PDE3B: variants seen among roughly 807,000 people sequenced by gnomAD.
The protein encoded by PDE3B is cGMP-inhibited 3',5'-cyclic phosphodiesterase 3B.
PDE3B carries 66 observed loss-of-function variants against 116.8 expected under a neutral mutation model. The ratio of observed to expected loss-of-function variants is 0.56; its 90% CI spans 0.46 to 0.69. The LOEUF is 0.69. Ranked by LOEUF, PDE3B falls within the 30% of genes least tolerant of loss-of-function variation. The probability of loss-of-function intolerance (pLI) is 0.00; values close to 1 mark genes in which losing one functional copy is unlikely to be tolerated. For missense variants in PDE3B, 1,384 were observed against 1,368.1 expected (o/e 1.01, Z -0.18); for synonymous variants, 595 against 533.6 (o/e 1.12, Z -1.59).
At chr11:14,858,969 C>T in intron 12 of PDE3B, 74 bp from the exon 13 acceptor site, 1 of 1,064,090 alleles carries the variant, frequency 9.4e-7, no homozygotes, top group South Asian at 1.4e-5. Context: ...TTGTATACTT[C>T]CAACCTGATA....
chr11:14,715,842 C>A (rs1590084056), intron 1 of PDE3B, among the ~76,000 whole-genome samples: 1 of 152,138 alleles, frequency 6.6e-6, no homozygotes, highest in Admixed American at 6.6e-5. Flanking sequence ...TTAACAGTAG[C>A]AAAGACTTGG....
chr11:14,847,138 G>T (rs576814054), intron 12 of PDE3B, among the ~76,000 whole-genome samples: 1 of 152,110 alleles, frequency 6.6e-6, no homozygotes, highest in Non-Finnish European at 1.5e-5. Context: ...ATGGCAAACT[G>T]TCTCTCAGAC....
In PDE3B at chr11:14,644,465, C is replaced by T. The variant is rs541236672; in HGVS notation, c.390C>T (p.Phe130=). The T allele has an allele frequency of 8.1e-6, 13 of 1,613,092 alleles. No individual in the cohort carries two copies. In the African/African-American group the frequency reaches 1.5e-4, roughly 18 times the overall value. Residue 130 remains phenylalanine (F), a synonymous_variant, in exon 1 of 16, where the codon TTC becomes TTT. Transcript: ENST00000282096. The part of the protein sequence containing the change: ...SPLFSIACAF[F]FLTCFLTRTK... Reference sequence around the variant, plus strand: ...TCTTCAGCATCGCCTGTGCCTTCTTCTTCCTCACCTGCTTCCTCACCCGGA... The same window carrying T: ...TCTTCAGCATCGCCTGTGCCTTCTTTTTCCTCACCTGCTTCCTCACCCGGA...
chr11:14,665,096 T>A (rs530611330), intron 1 of PDE3B, among the ~76,000 whole-genome samples: 24 of 152,358 alleles, frequency 1.6e-4, no homozygotes, highest in Non-Finnish European at 3.2e-4. Context: ...ATCCCTGGGA[T>A]GCAAGGCTGG....
chr11:14,884,881 A>G, the PDE3B span, among the ~76,000 whole-genome samples: 1 of 151,950 alleles, frequency 6.6e-6, no homozygotes, highest in Non-Finnish European at 1.5e-5. Flanking sequence ...TTAAAGGTCT[A>G]TTATAATTGT....
At chr11:14,688,860 C>T (rs1854966741) in intron 1 of PDE3B, among the ~76,000 whole-genome samples, 1 of 152,168 alleles carries the variant, frequency 6.6e-6, no homozygotes, top group African/African-American at 2.4e-5. Context: ...GCAACCTCTG[C>T]CTCCTGGGTT....
chr11:14,729,983 T>G (rs2133852864), intron 1 of PDE3B, among the ~76,000 whole-genome samples: 1 of 152,072 alleles, frequency 6.6e-6, no homozygotes, highest in South Asian at 2.1e-4. Context: ...CTAGGCTCAA[T>G]AAAAGGATCA....
intron 4 of PDE3B, among the ~76,000 whole-genome samples, chr11:14,802,510 T>G (rs1858806108): frequency 1.3e-5 from 2 of 152,184 alleles, no homozygotes; most frequent in African/African-American, 4.8e-5. Context: ...TGAGACGAAC[T>G]GGGTACCTCA....
At chr11:14,748,879 C>T (rs919489369) in intron 1 of PDE3B, among the ~76,000 whole-genome samples, 4 of 150,690 alleles carry the variant, frequency 2.7e-5, no homozygotes, top group African/African-American at 7.3e-5. Context: ...TATAGCCTTT[C>T]TCTTTTCTTT....
intron 4 of PDE3B, among the ~76,000 whole-genome samples, chr11:14,801,719 T>C (rs1345008412): frequency 6.6e-6 from 1 of 152,154 alleles, no homozygotes; most frequent in Non-Finnish European, 1.5e-5. Flanking sequence ...TTAAGTCTGC[T>C]GAAGCTGCAC....
intron 7 of PDE3B, among the ~76,000 whole-genome samples, chr11:14,821,429 CA>C (rs1261715004): frequency 6.6e-6 from 1 of 152,166 alleles, no homozygotes; most frequent in Non-Finnish European, 1.5e-5. Flanking sequence ...GTGTTGTAGA[CA>C]TCTTTAGAAA....
At chr11:14,663,794 G>C (rs1854022206) in intron 1 of PDE3B, among the ~76,000 whole-genome samples, 2 of 152,126 alleles carry the variant, frequency 1.3e-5, no homozygotes, top group South Asian at 4.1e-4. Flanking sequence ...CCTACAAAGA[G>C]ACTTAGACTC....
intron 1 of PDE3B, among the ~76,000 whole-genome samples, chr11:14,725,658 C>T (rs1856283781): frequency 7.3e-6 from 1 of 137,268 alleles, no homozygotes; most frequent in East Asian, 2.3e-4. Flanking sequence ...CTTTCTTATA[C>T]TCCATATTCA....
At chr11:14,793,111 T>G (rs1858443607) in intron 4 of PDE3B, among the ~76,000 whole-genome samples, 1 of 152,188 alleles carries the variant, frequency 6.6e-6, no homozygotes. Context: ...GCCTTCTGCT[T>G]AAGTTTCAGA....
At chr11:14,725,791 C>A (rs985275429) in intron 1 of PDE3B, among the ~76,000 whole-genome samples, 1 of 151,474 alleles carries the variant, frequency 6.6e-6, no homozygotes, top group South Asian at 2.1e-4. Flanking sequence ...ATTGGAGTAA[C>A]CTCTGTTCTG....
chr11:14,876,886 G>A (rs1405194871), downstream of PDE3B, among the ~76,000 whole-genome samples: 6 of 152,132 alleles, frequency 3.9e-5, no homozygotes, highest in African/African-American at 1.4e-4. Context: ...TATTGCTTAA[G>A]TGAACTTGCA....
At chr11:14,704,611 G>A (rs531851711) in intron 1 of PDE3B, among the ~76,000 whole-genome samples, 1 of 151,660 alleles carries the variant, frequency 6.6e-6, no homozygotes, top group Non-Finnish European at 1.5e-5. Context: ...TACATATTCA[G>A]TTGGTTTTTG....
chr11:14,891,774 G>A, the PDE3B span: 2 of 1,390,654 alleles, frequency 1.4e-6, no homozygotes, highest in Non-Finnish European at 1.9e-6. Flanking sequence ...GTCACCGGCA[G>A]GGGCGGGGCT....
At chr11:14,750,639 T>C (rs1468544663) in intron 1 of PDE3B, among the ~76,000 whole-genome samples, 1 of 152,116 alleles carries the variant, frequency 6.6e-6, no homozygotes, top group Non-Finnish European at 1.5e-5. Context: ...TTTTCTCTGT[T>C]TTCTTATGCA....
Sources: gnomAD v4.1 joint callset for allele counts (sites outside exome capture counted in the v4.1 genomes callset) on GRCh38, gnomAD v4.1.1 for gene constraint, MANE v1.5 for transcripts, NCBI Gene and HGNC (gene_info 2026-07-23, HGNC 2026-07-21) for gene names.